Variants in CA12 observed in about 807,000 individuals in gnomAD.
CA12 encodes carbonate dehydratase XII.
Under a neutral mutation model 46.8 loss-of-function variants are expected in CA12, and 36 were observed. The ratio of observed to expected loss-of-function variants is 0.77; its 90% CI spans 0.59 to 1.02. The LOEUF (loss-of-function observed/expected upper bound fraction) is 1.02, where lower values mean the gene tolerates loss of function less well. CA12 is among the 50% of genes least tolerant of loss of function. The probability of loss-of-function intolerance (pLI) is 0.00; values close to 1 mark genes in which losing one functional copy is unlikely to be tolerated. For missense variants in CA12, 436 were observed against 451.4 expected, an observed-to-expected ratio of 0.97 and a Z score of 0.31; for synonymous variants, 202 against 187.0, an observed-to-expected ratio of 1.08 and a Z score of -0.65.
chr15:63,336,531 A>G (rs377464679), intron 8 of CA12, among the ~76,000 whole-genome samples: 4 of 148,298 alleles, frequency 2.7e-5, no homozygotes, highest in East Asian at 2.0e-4. Flanking sequence ...GAGATCACCT[A>G]ATCCAACCTG....
At chr15:63,368,065 T>C (rs1347903737) in intron 2 of CA12, among the ~76,000 whole-genome samples, 1 of 152,226 alleles carries the variant, frequency 6.6e-6, no homozygotes, top group African/African-American at 2.4e-5. Flanking sequence ...GTTTTCAGTA[T>C]TGTTGAAATT....
chr15:63,359,179 G>A (rs1292662500), intron 2 of CA12, among the ~76,000 whole-genome samples: 2 of 152,130 alleles, frequency 1.3e-5, no homozygotes, highest in African/African-American at 4.8e-5. Context: ...CCACCTGCCT[G>A]CTGGCTACCC....
At chr15:63,376,285 T>C (rs2039569300) in intron 1 of CA12, among the ~76,000 whole-genome samples, 1 of 152,188 alleles carries the variant, frequency 6.6e-6, no homozygotes, top group Non-Finnish European at 1.5e-5. Flanking sequence ...GAATAGGCAA[T>C]AATTTCATGT....
chr15:63,375,565 A>T (rs1302230025), intron 2 of CA12, 93 bp downstream of exon 2: 1 of 822,964 alleles, frequency 1.2e-6, no homozygotes, highest in Non-Finnish European at 2.0e-6. Context: ...CTTCAAAATC[A>T]CCTCCACAGA....
Position 63,322,334 on chromosome 15 carries a change from A to G in CA12, c.*3951T>C, listed in dbSNP as rs1396924017. The G allele has an allele frequency of 6.6e-6, 1 of 152,212 alleles. No individual in the cohort carries two copies. Among genetic ancestry groups the G allele is most frequent in the Non-Finnish European group, 1.5e-5 (1 of 68,036 alleles). 9.4% of individuals were successfully genotyped at this position (152,212 alleles called of 1,614,324 possible). A position where few individuals can be genotyped will look rare whatever the true frequency, so the allele number is the denominator to read the frequency against. ...AAAAACACATGAAAATACTGGTTACATGTGGAAATGATAGTATTTTAGATC... is the reference window on the plus strand; with the variant it reads ...AAAAACACATGAAAATACTGGTTACGTGTGGAAATGATAGTATTTTAGATC... On this transcript the variant is annotated 3_prime_UTR_variant, in exon 11 of 11. Transcript: ENST00000178638. This position sits in a 1 kb window ranked among gnomAD's most constrained non-coding sequence, Gnocchi z 4.1.
At position 63,329,950 on chromosome 15, in the gene CA12, G is replaced by T. The variant is rs1340414934; in HGVS notation, c.875-1820C>A. Among the ~76,000 whole-genome samples, 1 of 152,196 alleles carries T rather than the reference G, an allele frequency of 6.6e-6. No homozygotes were observed. The highest frequency in any genetic ancestry group is 1.5e-5 in the Non-Finnish European group (1 of 68,038). ...ACCTGCAGAGCCTCCCTGGTCCAAG[G>T]CTGGGCCCTGGGGGTTCCTGGTCTG... On this transcript the variant is annotated intron_variant, in intron 8 of 10. Coordinates refer to ENST00000178638, the MANE Select transcript of CA12 (RefSeq NM_001218.5). The surrounding 1 kb of genome is among the most constrained non-coding windows in gnomAD (Gnocchi z 4.8).
rs2038906892 is a variant in CA12, at chr15:63,329,319, T to G, written c.875-1189A>C. 6.6e-6 allele frequency among the ~76,000 whole-genome samples: 1 copy of G among 152,194 alleles called. No homozygotes were observed. The highest frequency in any genetic ancestry group is 1.5e-5 in the Non-Finnish European group (1 of 68,028). ...GTGAGAGAGAAGTCCTCAGTGTGGC[T>G]GAACCCGTGCCCAGCTACCTAAGTC... On this transcript the variant is annotated intron_variant, in intron 8 of 10. Transcript: ENST00000178638. This position sits in a 1 kb window ranked among gnomAD's most constrained non-coding sequence, Gnocchi z 4.8.
rs532549468 is a variant in CA12, at chr15:63,345,750, G to A, written c.287-131C>T. On this transcript the variant is annotated intron_variant, in intron 3 of 10. Coordinates refer to ENST00000178638, the MANE Select transcript of CA12 (RefSeq NM_001218.5). This position sits in a 1 kb window ranked among gnomAD's most constrained non-coding sequence, Gnocchi z 4.3. The stretch of plus-strand genomic sequence containing the variant: ...GCCCAGAGAGAGGCAGGTGGATGGA[G>A]TGAGGTGCGGAGCAGAGATGCAGCC... The A allele has an allele frequency of 2.5e-6, 3 of 1,190,500 alleles. No individual in the cohort carries two copies. Among genetic ancestry groups the A allele is most frequent in the Non-Finnish European group, 3.6e-6 (3 of 833,420 alleles). 73.7% of individuals were successfully genotyped at this position (1,190,500 alleles called of 1,614,324 possible).
chr15:63,365,439 A>G (rs542296148), intron 2 of CA12, among the ~76,000 whole-genome samples: 9 of 152,342 alleles, frequency 5.9e-5, no homozygotes, highest in Non-Finnish European at 1.2e-4. Context: ...TCTGCTCCTC[A>G]GGCTGCTGGA....
At position 63,330,195 on chromosome 15, in the gene CA12, C is replaced by T. The variant is rs1230052087; in HGVS notation, c.875-2065G>A. 2.6e-5 allele frequency among the ~76,000 whole-genome samples: 4 copies of T among 152,252 alleles called. No individual in the cohort carries two copies. The highest frequency in any genetic ancestry group is 9.6e-5 in the African/African-American group (4 of 41,460). The stretch of plus-strand genomic sequence containing the variant: ...GACCAGCCTGTGGCTTGGGGAGGTA[C>T]TGAGGACATGAGTCTCCACCTGGAG... On this transcript the variant is annotated intron_variant, in intron 8 of 10. Transcript: ENST00000178638. The surrounding 1 kb of genome is among the most constrained non-coding windows in gnomAD (Gnocchi z 4.0).
intron 2 of CA12, among the ~76,000 whole-genome samples, chr15:63,364,335 A>AAAAAAAAAAG (rs2039409387): frequency 7.1e-6 from 1 of 141,138 alleles, no homozygotes; most frequent in African/African-American, 2.6e-5. Flanking sequence ...GTCACTAGAA[A>AAAAAAAAAAG]AAAAAAAAAA....
intron 2 of CA12, among the ~76,000 whole-genome samples, chr15:63,360,530 T>C (rs1474809747): frequency 6.6e-6 from 1 of 152,174 alleles, no homozygotes; most frequent in Non-Finnish European, 1.5e-5. Flanking sequence ...GAGAACTGTC[T>C]CCCAACACTA....
In CA12 at chr15:63,381,762, G is replaced by A. The variant is rs761864209; in HGVS notation, c.-42C>T. 82 of 1,377,288 alleles carry A rather than the reference G, an allele frequency of 6.0e-5. No individual in the cohort carries two copies. Among genetic ancestry groups the A allele is most frequent in the Middle Eastern group, 2.2e-4 (1 of 4,462 alleles). The allele number at this position is 1,377,288 out of a possible 1,614,324, so 85.3% of individuals were successfully genotyped here. A position where few individuals can be genotyped will look rare whatever the true frequency, so the allele number is the denominator to read the frequency against. On this transcript the variant is annotated 5_prime_UTR_variant, in exon 1 of 11. Transcript: ENST00000178638. ...GGGGCGGGCGCGGGCTGTGCCGGGG[G>A]CTCCCGGTGGCCGCTCGCTCTCCAG... is the stretch of plus-strand genomic sequence containing the variant.
At chr15:63,353,112 T>C (rs972735479) in intron 2 of CA12, among the ~76,000 whole-genome samples, 5 of 152,014 alleles carry the variant, frequency 3.3e-5, no homozygotes, top group African/African-American at 9.7e-5. Flanking sequence ...CACAGACCAG[T>C]GTAAGAGACT....
rs2039071736 is a variant in CA12, at chr15:63,341,015, T to C, written c.526-232A>G. Among the ~76,000 whole-genome samples, 1 of 152,190 alleles carries C rather than the reference T, an allele frequency of 6.6e-6. No homozygotes were observed. Among genetic ancestry groups the C allele is most frequent in the Non-Finnish European group, 1.5e-5 (1 of 68,036 alleles). On this transcript the variant is annotated intron_variant, in intron 5 of 10. Coordinates refer to ENST00000178638, the MANE Select transcript of CA12 (RefSeq NM_001218.5). This position sits in a 1 kb window ranked among gnomAD's most constrained non-coding sequence, Gnocchi z 5.2. ...CAGCTTAAGGAGTTGGGCTTGAATG[T>C]CCTGGGGCATAGGGTACCGTGTGTG...
intron 2 of CA12, among the ~76,000 whole-genome samples, chr15:63,354,552 C>A (rs147828045): frequency 7.9e-5 from 12 of 152,130 alleles, no homozygotes; most frequent in African/African-American, 2.9e-4. Flanking sequence ...AGCAAGACCC[C>A]ATCTCTAAAC....
intron 2 of CA12, among the ~76,000 whole-genome samples, chr15:63,349,541 CATT>C (rs1318415381): frequency 6.6e-6 from 1 of 152,160 alleles, no homozygotes; most frequent in Admixed American, 6.5e-5. Flanking sequence ...TCCTCCTCCT[CATT>C]GTTATTATAT....
chr15:63,353,077 C>T (rs1199762207), intron 2 of CA12, among the ~76,000 whole-genome samples: 1 of 152,122 alleles, frequency 6.6e-6, no homozygotes, highest in African/African-American at 2.4e-5. Context: ...AACAAAACAG[C>T]TCTAGTCTCT....
intron 1 of CA12, among the ~76,000 whole-genome samples, chr15:63,381,212 C>T (rs7173285): frequency 0.18 from 27,011 of 152,132 alleles, 2,899 homozygotes; most frequent in African/African-American, 0.29. Context: ...AAGCGCCTAC[C>T]ACTGTCTGCG....
Sources: allele counts gnomAD v4.1 joint callset (sites outside exome capture counted in the v4.1 genomes callset), GRCh38; gene constraint gnomAD v4.1.1; non-coding constraint Gnocchi (gnomAD v3.1); transcripts MANE v1.5; gene names NCBI Gene and HGNC (gene_info 2026-07-23, HGNC 2026-07-21).